The following DARS1 variants were observed in gnomAD, a reference collection of about 807,000 sequenced individuals.
DARS1 encodes the protein aspartyl-tRNA synthetase 1.
In DARS1, 51 loss-of-function variants were observed where a neutral mutation model predicts 68.8. The ratio of observed to expected loss-of-function variants is 0.74; its 90% CI spans 0.59 to 0.94. The LOEUF is 0.94. DARS1 is among the 40% of genes least tolerant of loss of function. The pLI is 0.00. For missense variants in DARS1, 607 were observed against 597.3 expected, an observed-to-expected ratio of 1.02 and a Z score of -0.17; for synonymous variants, 203 against 190.4, an observed-to-expected ratio of 1.07 and a Z score of -0.55.
intron 15 of DARS1, 88 bp downstream of exon 15, chr2:135,911,051 G>T: frequency 1.5e-6 from 1 of 651,634 alleles, no homozygotes. Context: ...CACTTATGTC[G>T]TAATTCACTT....
At position 135,911,430 on chromosome 2, in the gene DARS1, T is replaced by A. The variant is rs1558775620; in HGVS notation, c.1294A>T (p.Ile432Leu). The change falls in exon 14 of 16, where the codon ATA (isoleucine) becomes TTA (leucine). Residue 432 changes from isoleucine to leucine, a missense_variant. Ile to Leu is a conservative substitution (Grantham distance 5, BLOSUM62 2). Coordinates refer to ENST00000264161, the MANE Select transcript of DARS1 (RefSeq NM_001349.4). ...GEEILSGAQR[I>L]HDPQLLTERA... is the part of the protein sequence containing the mutation. ...TCTGTTAGCAGTTGAGGATCATGTA[T>A]TCTTTGAGCTCCTGACAATATTTCT... The A allele has an allele frequency of 9.3e-7, 1 of 1,079,986 alleles. No homozygotes were observed. Among genetic ancestry groups the A allele is most frequent in the East Asian group, 2.4e-5 (1 of 42,512 alleles). 66.9% of individuals were successfully genotyped at this position (1,079,986 alleles called of 1,614,324 possible).
chr2:135,948,063 C>T (rs1681766161), intron 4 of DARS1, among the ~76,000 whole-genome samples: 1 of 152,212 alleles, frequency 6.6e-6, no homozygotes. Flanking sequence ...CTGAAAATTT[C>T]TGACAGCAGA....
intron 3 of DARS1, among the ~76,000 whole-genome samples, chr2:135,969,086 T>C (rs1682305939): frequency 6.6e-6 from 1 of 152,180 alleles, no homozygotes; most frequent in Non-Finnish European, 1.5e-5. Context: ...GAGGATGATC[T>C]AGTATTAGAA....
chr2:135,930,249 G>GA (rs1681312392), intron 7 of DARS1, among the ~76,000 whole-genome samples: 1 of 152,054 alleles, frequency 6.6e-6, no homozygotes, highest in Admixed American at 6.6e-5. Context: ...AAACATTCAG[G>GA]AAAAAAAGTT....
At chr2:135,945,858 A>AT (rs905968153) in intron 4 of DARS1, among the ~76,000 whole-genome samples, 8 of 152,086 alleles carry the variant, frequency 5.3e-5, no homozygotes, top group Admixed American at 5.2e-4. Flanking sequence ...AGAACAGTTA[A>AT]TTTTTTTTAA....
At chr2:135,911,944 A>AT (rs1000042202) in intron 13 of DARS1, among the ~76,000 whole-genome samples, 2 of 152,048 alleles carry the variant, frequency 1.3e-5, no homozygotes, top group Non-Finnish European at 2.9e-5. Context: ...ATTACCAGAA[A>AT]TTTTTTACTT....
In DARS1 at chr2:135,924,474, G is replaced by T; in HGVS notation, c.589C>A (p.Arg197Ser). The change falls in exon 8 of 16, where the codon CGT becomes AGT. Residue 197 changes from arginine to serine, a missense_variant. Physicochemically the swap from Arg to Ser is moderately radical, Grantham distance 110 (BLOSUM62 -1). Coordinates refer to ENST00000264161, the MANE Select transcript of DARS1 (RefSeq NM_001349.4). ...LRTSTSQAVF[R>S]LQSGICHLFR... Reference sequence around the variant, plus strand: ...AGATGGCAGATGCCAGACTGGAGACGGAAGACTGCCTGACTAGTTGATGTC... The same window carrying T: ...AGATGGCAGATGCCAGACTGGAGACTGAAGACTGCCTGACTAGTTGATGTC... The T allele has an allele frequency of 6.2e-7, 1 of 1,606,932 alleles. No homozygotes were observed. Among genetic ancestry groups the T allele is most frequent in the Non-Finnish European group, 8.5e-7 (1 of 1,177,906 alleles).
In DARS1 at chr2:135,959,086, T is replaced by C. The variant is rs116899241; in HGVS notation, c.320+2310A>G. On this transcript the variant is annotated intron_variant, in intron 4 of 15. Coordinates refer to ENST00000264161, the MANE Select transcript of DARS1 (RefSeq NM_001349.4). ...AGGCTAAATTACCTATATTCTTCCCTTGTCTAAAAGAAAGATCACCCATGG... is the reference window on the plus strand; with the variant it reads ...AGGCTAAATTACCTATATTCTTCCCCTGTCTAAAAGAAAGATCACCCATGG... Among the ~76,000 whole-genome samples, 86 of 152,104 alleles carry C rather than the reference T, an allele frequency of 5.7e-4. No individual in the cohort carries two copies. In the East Asian group the frequency reaches 0.012, roughly 21 times the overall value.
At chr2:135,967,062 T>A (rs1010218551) in intron 3 of DARS1, among the ~76,000 whole-genome samples, 1 of 152,178 alleles carries the variant, frequency 6.6e-6, no homozygotes, top group African/African-American at 2.4e-5. Context: ...AGCAATGAAA[T>A]AGGCCTTCAT....
chr2:135,973,701 G>GA lies in DARS1; in HGVS notation c.217+5572dup, dbSNP rs1446105781. Reference sequence around the variant, plus strand: ...AAAACCCCATCTTTACAAAAAAAATGAAAAAATAAAAAATAAAAATTAGCT... The same window carrying GA: ...AAAACCCCATCTTTACAAAAAAAATGAAAAAAATAAAAAATAAAAATTAGCT... On this transcript the variant is annotated intron_variant, in intron 3 of 15. Transcript: ENST00000264161. Among the ~76,000 whole-genome samples, 15 of 151,478 alleles carry GA rather than the reference G, an allele frequency of 9.9e-5. No individual in the cohort carries two copies. The East Asian group carries it at 2.7e-3, about 27-fold the overall frequency.
intron 2 of DARS1, among the ~76,000 whole-genome samples, chr2:135,982,597 C>CAA (rs548129919): frequency 2.1e-5 from 2 of 95,184 alleles, no homozygotes; most frequent in Non-Finnish European, 2.3e-5. Flanking sequence ...CTCTGTCTCC[C>CAA]AAAAAAAAAA....
In DARS1 at chr2:135,917,059, G is replaced by A. The variant is rs77182879; in HGVS notation, c.960-687C>T. ...AAAATTATTTGGGTGTGGTCGGGAG[G>A]CTGAGGCAGGAGAATTGTTTGGGCC... is the stretch of plus-strand genomic sequence containing the variant. On this transcript the variant is annotated intron_variant, in intron 10 of 15. Transcript: ENST00000264161. Among the ~76,000 whole-genome samples the A allele has an allele frequency of 7.6e-3, 1,164 of 152,182 alleles. 98 individuals carry two copies. The East Asian group carries it at 0.2, about 26-fold the overall frequency.
intron 5 of DARS1, among the ~76,000 whole-genome samples, chr2:135,939,476 A>AAC (rs1442538982): frequency 3.3e-5 from 5 of 152,246 alleles, no homozygotes; most frequent in Non-Finnish European, 7.3e-5. Context: ...ACAAAGACAC[A>AAC]ACATACCAGA....
chr2:135,946,530 A>G (rs1315812186), intron 4 of DARS1, among the ~76,000 whole-genome samples: 1 of 152,212 alleles, frequency 6.6e-6, no homozygotes, highest in African/African-American at 2.4e-5. Flanking sequence ...AAGGAAGTTG[A>G]ATTATTTTCT....
At chr2:135,976,976 A>G (rs1487600860) in intron 3 of DARS1, among the ~76,000 whole-genome samples, 1 of 152,090 alleles carries the variant, frequency 6.6e-6, no homozygotes, top group Non-Finnish European at 1.5e-5. Context: ...TGTATAAAAC[A>G]CCTGTTTTAT....
intron 3 of DARS1, 195 bp downstream of exon 3, chr2:135,979,079 A>G (rs2104849071): frequency 2.3e-6 from 1 of 432,966 alleles, no homozygotes; most frequent in Non-Finnish European, 4.1e-6. Context: ...TTTAGGGTCA[A>G]ATTATTTGTA....
chr2:135,940,001 T>C (rs1681561362), intron 5 of DARS1, among the ~76,000 whole-genome samples: 1 of 152,160 alleles, frequency 6.6e-6, no homozygotes, highest in Non-Finnish European at 1.5e-5. Flanking sequence ...GGCTCTGAAA[T>C]TGAGGCAATA....
At chr2:135,933,423 A>C (rs1029631450) in intron 6 of DARS1, among the ~76,000 whole-genome samples, 5 of 152,260 alleles carry the variant, frequency 3.3e-5, no homozygotes, top group Non-Finnish European at 7.3e-5. Flanking sequence ...CAGAAATCAC[A>C]AAGAATTGTG....
chr2:135,937,335 T>C (rs7573555), intron 5 of DARS1, among the ~76,000 whole-genome samples: 26,084 of 152,002 alleles, frequency 0.17, 2,634 homozygotes, highest in Middle Eastern at 0.4. Context: ...GTGACACTTA[T>C]GGTATTTTAA....
Sources: allele counts gnomAD v4.1 joint callset (sites outside exome capture counted in the v4.1 genomes callset), GRCh38; gene constraint gnomAD v4.1.1; transcripts MANE v1.5; gene names NCBI Gene and HGNC (gene_info 2026-07-23, HGNC 2026-07-21).